MFN2: variants seen among roughly 807,000 people sequenced by gnomAD.
The protein encoded by MFN2 is mitofusin-2.
A neutral mutation model predicts 87.5 loss-of-function variants in MFN2; 43 were observed. The ratio of observed to expected loss-of-function variants is 0.49; its 90% CI spans 0.38 to 0.63. MFN2 has a LOEUF of 0.63. Ranked by LOEUF, MFN2 falls within the 30% of genes least tolerant of loss-of-function variation. The pLI is 0.00. For synonymous variants in MFN2, 337 were observed against 359.9 expected, an observed-to-expected ratio of 0.94 and a Z score of 0.72; for missense variants, 743 against 972.8, an observed-to-expected ratio of 0.76 and a Z score of 3.14.
Position 12,004,127 on chromosome 1 carries a change from TGAG to T in MFN2, c.1287+17_1287+19del, listed in dbSNP as rs767607294. ...AGGAAGTGGAGAGGCAGGTGAGAAA[TGAG>T]GAGGAGGCATTCTGGGAAGATTTGG... On this transcript the variant is annotated intron_variant, in intron 12 of 18. Coordinates refer to ENST00000235329, the MANE Select transcript of MFN2 (RefSeq NM_014874.4). The surrounding 1 kb of genome is among the most constrained non-coding windows in gnomAD (Gnocchi z 4.2). 25 of 1,613,806 alleles carry T rather than the reference TGAG, an allele frequency of 1.5e-5. No homozygotes were observed. The highest frequency in any genetic ancestry group is 5.0e-5 in the Admixed American group (3 of 60,006).
At chr1:11,999,382 T>A (rs536927138) in intron 8 of MFN2, among the ~76,000 whole-genome samples, 63 of 152,288 alleles carry the variant, frequency 4.1e-4, no homozygotes, top group Middle Eastern at 3.4e-3. Context: ...TCTGAGGAAT[T>A]AATACAGAAC....
chr1:12,010,481 C>T (rs1639645751), intron 18 of MFN2, among the ~76,000 whole-genome samples: 2 of 152,168 alleles, frequency 1.3e-5, no homozygotes, highest in Middle Eastern at 3.2e-3. Flanking sequence ...CACTCTGATT[C>T]TCCTTACCTG....
At chr1:12,008,425 C>A (rs1245206451) in intron 17 of MFN2, among the ~76,000 whole-genome samples, 2 of 19,848 alleles carry the variant, frequency 1.0e-4, no homozygotes, top group African/African-American at 3.8e-4. Context: ...GGGGGCTGAC[C>A]CCCCCCACCT....
chr1:11,984,438 C>T (rs1246120004), intron 2 of MFN2, among the ~76,000 whole-genome samples: 3 of 152,188 alleles, frequency 2.0e-5, no homozygotes, highest in African/African-American at 7.2e-5. Flanking sequence ...GCCTTTAGCT[C>T]TTACTGTAGT....
chr1:11,994,064 G>T lies in MFN2; in HGVS notation c.311+1374G>T, dbSNP rs139062882. On this transcript the variant is annotated intron_variant, in intron 4 of 18. Transcript: ENST00000235329. ...ATTGAGTATTCCACAGACACACATG[G>T]TTTAACATGTGATAACCATGGGGTA... is the stretch of plus-strand genomic sequence containing the variant. Among the ~76,000 whole-genome samples, 17 of 152,258 alleles carry T rather than the reference G, an allele frequency of 1.1e-4. No individual in the cohort carries two copies. In the South Asian group the frequency reaches 1.9e-3, roughly 17 times the overall value.
intron 5 of MFN2, 135 bp downstream of exon 5, chr1:11,996,453 G>T (rs1200134753): frequency 1.9e-6 from 2 of 1,068,960 alleles, no homozygotes; most frequent in East Asian, 2.6e-5. Flanking sequence ...TATTTTAGAT[G>T]AACTTTTTGA....
chr1:11,995,308 C>G (rs1160870019), intron 4 of MFN2, among the ~76,000 whole-genome samples: 2 of 151,906 alleles, frequency 1.3e-5, no homozygotes, highest in Non-Finnish European at 2.9e-5. Flanking sequence ...AAAACCCCAC[C>G]AGAATACATG....
chr1:11,999,774 C>T (rs555678761), intron 8 of MFN2, among the ~76,000 whole-genome samples: 3 of 152,098 alleles, frequency 2.0e-5, no homozygotes, highest in South Asian at 4.2e-4. Context: ...CCACCTTGGG[C>T]GACGTAGCAA....
In MFN2 at chr1:12,013,065, C is replaced by G. The variant is rs1639755696; in HGVS notation, c.*1500C>G. On this transcript the variant is annotated 3_prime_UTR_variant, in exon 19 of 19. Transcript: ENST00000235329. ...CTGTTGTGTGGGGCGAAGTGATGGA[C>G]TCTGCCAGGTGGACATGCTGTGGGT... 1 of 334,074 alleles carries G rather than the reference C, an allele frequency of 3.0e-6. No individual in the cohort carries two copies. Among genetic ancestry groups the G allele is most frequent in the Non-Finnish European group, 5.8e-6 (1 of 171,592 alleles). 20.7% of individuals were successfully genotyped at this position (334,074 alleles called of 1,614,324 possible). A position where few individuals can be genotyped will look rare whatever the true frequency, so the allele number is the denominator to read the frequency against.
chr1:12,011,453 T>C, intron 18 of MFN2, 43 bp from the exon 19 acceptor site: 4 of 1,607,702 alleles, frequency 2.5e-6, no homozygotes, highest in Non-Finnish European at 3.4e-6. Flanking sequence ...TAATACTGCC[T>C]ATCATCAGCT....
At chr1:12,002,145 GACAAGGGTGCTCC>G in intron 11 of MFN2, 42 bp downstream of exon 11, 1 of 1,613,902 alleles carries the variant, frequency 6.2e-7, no homozygotes, top group Non-Finnish European at 8.5e-7. Context: ...GAGCTGCCGA[GACAAGGGTGCTCC>G]ACCCCTGCCT....
chr1:11,985,180 GGT>G (rs1638338247), intron 2 of MFN2, among the ~76,000 whole-genome samples: 1 of 152,090 alleles, frequency 6.6e-6, no homozygotes, highest in South Asian at 2.1e-4. Flanking sequence ...TCCGCTGGTT[GGT>G]GTGTGGGGAA....
At chr1:12,005,048 G>A (rs548495212) in intron 14 of MFN2, 121 bp downstream of exon 14, 7 of 797,832 alleles carry the variant, frequency 8.8e-6, no homozygotes, top group Middle Eastern at 2.3e-4. Flanking sequence ...GATTCAACTC[G>A]ATACCTTCAG....
At chr1:12,009,466 G>C in intron 17 of MFN2, 126 bp from the exon 18 acceptor site, 1 of 1,371,344 alleles carries the variant, frequency 7.3e-7, no homozygotes. Flanking sequence ...AACCAGGCCT[G>C]GCTCAGGGCA....
At chr1:12,009,317 A>G (rs575682144) in intron 17 of MFN2, among the ~76,000 whole-genome samples, 68 of 152,344 alleles carry the variant, frequency 4.5e-4, no homozygotes, top group Non-Finnish European at 6.9e-4. Context: ...TACTCGGCTG[A>G]TGAGCAGCAG....
At chr1:12,007,005 G>T (rs759895286) in intron 16 of MFN2, 48 bp from the exon 17 acceptor site, 1 of 1,605,514 alleles carries the variant, frequency 6.2e-7, no homozygotes, top group Non-Finnish European at 8.5e-7. Context: ...CCCAGAGGAG[G>T]GTGGGCCACA....
intron 8 of MFN2, among the ~76,000 whole-genome samples, chr1:12,000,044 C>T (rs1196271926): frequency 6.6e-6 from 1 of 151,432 alleles, no homozygotes; most frequent in Non-Finnish European, 1.5e-5. Flanking sequence ...TTGCAGTGAG[C>T]TGAGATTGTG....
intron 2 of MFN2, among the ~76,000 whole-genome samples, chr1:11,986,842 G>T (rs535614174): frequency 5.9e-5 from 9 of 151,984 alleles, no homozygotes; most frequent in Non-Finnish European, 1.3e-4. Flanking sequence ...CTCCCAAAGT[G>T]CAGGGATTAT....
chr1:12,009,136 C>T (rs537588733), intron 17 of MFN2, among the ~76,000 whole-genome samples: 3 of 152,268 alleles, frequency 2.0e-5, no homozygotes, highest in African/African-American at 7.2e-5. Flanking sequence ...TTGCAGTGAG[C>T]AGAGATGGCG....
Sources: allele counts gnomAD v4.1 joint callset (sites outside exome capture counted in the v4.1 genomes callset), GRCh38; gene constraint gnomAD v4.1.1; non-coding constraint Gnocchi (gnomAD v3.1); transcripts MANE v1.5; gene names NCBI Gene and HGNC (gene_info 2026-07-23, HGNC 2026-07-21).